GULP1: variants seen among roughly 807,000 people sequenced by gnomAD.
GULP1 encodes the protein GULP PTB domain containing engulfment adaptor 1.
In GULP1, 19 loss-of-function variants were observed where a neutral mutation model predicts 40.9. That is an observed-to-expected ratio of 0.46 (90% CI 0.32 to 0.68). GULP1 has a LOEUF of 0.68. GULP1 is among the 30% of genes least tolerant of loss of function. The pLI is 0.03. For synonymous variants in GULP1, 119 were observed against 117.6 expected, an observed-to-expected ratio of 1.01 and a Z score of -0.08; for missense variants, 312 against 362.2, an observed-to-expected ratio of 0.86 and a Z score of 1.12.
chr2:188,553,961 GTC>G (rs1388594509), intron 7 of GULP1, among the ~76,000 whole-genome samples: 13 of 151,832 alleles, frequency 8.6e-5, no homozygotes, highest in Admixed American at 8.5e-4. Context: ...TTTTATAATA[GTC>G]TTTGGGGATC....
chr2:188,300,561 G>C (rs767079846), intron 1 of GULP1, among the ~76,000 whole-genome samples: 2 of 152,056 alleles, frequency 1.3e-5, no homozygotes, highest in South Asian at 2.1e-4. Flanking sequence ...ATCTTATGAA[G>C]GGGACCTATA....
chr2:188,589,486 C>T (rs1005885217), intron 11 of GULP1: 1 of 290,940 alleles, frequency 3.4e-6, no homozygotes, highest in African/African-American at 2.2e-5. Flanking sequence ...TATTTATTCT[C>T]AAGGGTTGCA....
intron 4 of GULP1, among the ~76,000 whole-genome samples, chr2:188,512,349 G>A (rs1345047820): frequency 6.6e-6 from 1 of 152,002 alleles, no homozygotes; most frequent in Non-Finnish European, 1.5e-5. Flanking sequence ...ATTATAAAAA[G>A]TAGGAATTAT....
intron 2 of GULP1, among the ~76,000 whole-genome samples, chr2:188,463,210 C>T (rs2059852357): frequency 6.6e-6 from 1 of 152,100 alleles, no homozygotes; most frequent in Non-Finnish European, 1.5e-5. Context: ...TCTGGTGTTG[C>T]TGAAATCCCT....
chr2:188,541,662 A>G (rs2153325075), intron 7 of GULP1: 1 of 436,546 alleles, frequency 2.3e-6, no homozygotes, highest in African/African-American at 2.0e-5. Context: ...CATAATACAA[A>G]CAGTAGTGGT....
chr2:188,308,866 T>C (rs2037583217), intron 1 of GULP1, among the ~76,000 whole-genome samples: 1 of 152,064 alleles, frequency 6.6e-6, no homozygotes, highest in East Asian at 1.9e-4. Context: ...CACTGAGAGG[T>C]ATAAAAGAGA....
At chr2:188,435,261 G>A (rs904809034) in intron 2 of GULP1, among the ~76,000 whole-genome samples, 1 of 151,926 alleles carries the variant, frequency 6.6e-6, no homozygotes, top group African/African-American at 2.4e-5. Flanking sequence ...AACTCTTTTT[G>A]ATCTGAACAC....
intron 1 of GULP1, among the ~76,000 whole-genome samples, chr2:188,301,778 A>G (rs2036178447): frequency 6.6e-6 from 1 of 152,210 alleles, no homozygotes; most frequent in African/African-American, 2.4e-5. Flanking sequence ...TTGGCTTTTG[A>G]TATTTGTCCT....
intron 1 of GULP1, among the ~76,000 whole-genome samples, chr2:188,328,332 C>G (rs940349647): frequency 1.3e-5 from 2 of 152,046 alleles, no homozygotes; most frequent in Non-Finnish European, 2.9e-5. Context: ...TGAAGACAGT[C>G]AGGGATCATC....
At chr2:188,436,260 A>G (rs1167262542) in intron 2 of GULP1, among the ~76,000 whole-genome samples, 1 of 151,992 alleles carries the variant, frequency 6.6e-6, no homozygotes, top group Non-Finnish European at 1.5e-5. Context: ...TGGTTGTATT[A>G]TCTTTTATTA....
At chr2:188,518,367 C>A (rs1438336146) in intron 4 of GULP1, among the ~76,000 whole-genome samples, 1 of 152,064 alleles carries the variant, frequency 6.6e-6, no homozygotes, top group Non-Finnish European at 1.5e-5. Flanking sequence ...AACATTATAC[C>A]TTAGCGTTTA....
At chr2:188,457,978 A>C (rs2059402275) in intron 2 of GULP1, among the ~76,000 whole-genome samples, 1 of 152,094 alleles carries the variant, frequency 6.6e-6, no homozygotes, top group Admixed American at 6.5e-5. Context: ...TTTCTGCCTA[A>C]ACAACCCTCT....
At chr2:188,576,969 C>A (rs912942776) in intron 9 of GULP1, among the ~76,000 whole-genome samples, 1 of 152,106 alleles carries the variant, frequency 6.6e-6, no homozygotes, top group Non-Finnish European at 1.5e-5. Flanking sequence ...AGCCTCATAG[C>A]CTCATGAATG....
At chr2:188,410,290 G>A (rs536624231) in intron 2 of GULP1, among the ~76,000 whole-genome samples, 4 of 152,170 alleles carry the variant, frequency 2.6e-5, no homozygotes, top group African/African-American at 9.6e-5. Flanking sequence ...CATTGGTTTG[G>A]GTAAAGATTT....
At chr2:188,387,329 TTATC>T (rs2049915246) in intron 2 of GULP1, among the ~76,000 whole-genome samples, 1 of 152,208 alleles carries the variant, frequency 6.6e-6, no homozygotes, top group South Asian at 2.1e-4. Context: ...AAGTATACAT[TTATC>T]TAATTAATAT....
intron 2 of GULP1, among the ~76,000 whole-genome samples, chr2:188,391,534 A>G (rs1462580723): frequency 2.6e-5 from 4 of 152,022 alleles, no homozygotes; most frequent in Admixed American, 6.6e-5. Flanking sequence ...TTTTCTATGT[A>G]TACAATTACA....
chr2:188,435,733 A>G (rs1353867180), intron 2 of GULP1, among the ~76,000 whole-genome samples: 4 of 152,030 alleles, frequency 2.6e-5, no homozygotes, highest in Admixed American at 2.6e-4. Context: ...GTCGGAATTC[A>G]TTTCCTTGCA....
At chr2:188,327,929 A>G (rs2040990762) in intron 1 of GULP1, among the ~76,000 whole-genome samples, 1 of 152,148 alleles carries the variant, frequency 6.6e-6, no homozygotes, top group Non-Finnish European at 1.5e-5. Context: ...GTAAAGAAAT[A>G]TCTCCCAGGA....
At chr2:188,308,882 T>G (rs1251658662) in intron 1 of GULP1, among the ~76,000 whole-genome samples, 1 of 152,154 alleles carries the variant, frequency 6.6e-6, no homozygotes, top group Non-Finnish European at 1.5e-5. Flanking sequence ...AGAGAGTATC[T>G]GCCGTGGTAC....
Sources: allele counts gnomAD v4.1 joint callset (sites outside exome capture counted in the v4.1 genomes callset), GRCh38; gene constraint gnomAD v4.1.1; transcripts MANE v1.5; gene names NCBI Gene and HGNC (gene_info 2026-07-23, HGNC 2026-07-21).